PPP2R2B: variants seen among roughly 807,000 people sequenced by gnomAD.
The protein encoded by PPP2R2B is protein phosphatase 2 regulatory subunit Bbeta.
Under a neutral mutation model 46.0 loss-of-function variants are expected in PPP2R2B, and 5 were observed. The observed-to-expected ratio is 0.11, with a 90% CI of 0.06 to 0.23. The LOEUF (loss-of-function observed/expected upper bound fraction) is 0.23. Among genes scored for constraint, PPP2R2B ranks in the 10% least tolerant of loss-of-function variants. The pLI is 1.00. For synonymous variants in PPP2R2B, 215 were observed against 206.7 expected, an observed-to-expected ratio of 1.04 and a Z score of -0.34; for missense variants, 367 against 575.0, an observed-to-expected ratio of 0.64 and a Z score of 3.70.
At chr5:147,027,931 G>T (rs1377302452) in intron 1 of PPP2R2B, among the ~76,000 whole-genome samples, 2 of 152,084 alleles carry the variant, frequency 1.3e-5, no homozygotes, top group Non-Finnish European at 1.5e-5. Context: ...TCCGTGGTTG[G>T]GGCTTCCAGG....
At chr5:146,687,121 C>G (rs185648453) in intron 5 of PPP2R2B, among the ~76,000 whole-genome samples, 13 of 151,216 alleles carry the variant, frequency 8.6e-5, no homozygotes, top group Admixed American at 2.0e-4. Flanking sequence ...AGAGAGGGAG[C>G]GATTGATCGA....
chr5:146,657,554 A>T (rs901119470), intron 5 of PPP2R2B, among the ~76,000 whole-genome samples: 2 of 152,178 alleles, frequency 1.3e-5, no homozygotes, highest in Non-Finnish European at 2.9e-5. Flanking sequence ...TCTCCTTCCT[A>T]AAATCAGATC....
chr5:146,647,218 C>CAGTAAATAAAT (rs1775638847), intron 6 of PPP2R2B, among the ~76,000 whole-genome samples: 1 of 9,904 alleles, frequency 1.0e-4, no homozygotes, highest in African/African-American at 1.9e-4. Context: ...TTTTGACGTT[C>CAGTAAATAAAT]ACTATTGCTT....
intron 1 of PPP2R2B, among the ~76,000 whole-genome samples, chr5:146,926,535 G>T (rs540218259): frequency 6.6e-6 from 1 of 152,138 alleles, no homozygotes; most frequent in Admixed American, 6.5e-5. Context: ...GGGACCACAG[G>T]CTCCGATTTT....
At chr5:146,617,680 A>T (rs1240969488) in intron 7 of PPP2R2B, among the ~76,000 whole-genome samples, 1 of 144,356 alleles carries the variant, frequency 6.9e-6, no homozygotes, top group Non-Finnish European at 1.5e-5. Context: ...GCTTCCTCTC[A>T]TCTCTCTCTC....
At chr5:146,640,506 G>A (rs564423647) in intron 6 of PPP2R2B, among the ~76,000 whole-genome samples, 248 of 152,316 alleles carry the variant, frequency 1.6e-3, no homozygotes, top group South Asian at 7.7e-3. Flanking sequence ...ATGACGTGGC[G>A]TTGGGTAAAC....
chr5:147,018,765 A>T (rs1038507134), intron 1 of PPP2R2B, among the ~76,000 whole-genome samples: 1 of 152,148 alleles, frequency 6.6e-6, no homozygotes, highest in Non-Finnish European at 1.5e-5. Flanking sequence ...CTGGCTTTGG[A>T]CTACCAGCTT....
At chr5:147,001,089 T>C (rs1754149944) in intron 1 of PPP2R2B, among the ~76,000 whole-genome samples, 1 of 152,178 alleles carries the variant, frequency 6.6e-6, no homozygotes, top group Non-Finnish European at 1.5e-5. Context: ...ATCAGCACTC[T>C]GTAAAAACAG....
At chr5:146,758,001 T>G (rs1316595785) in intron 2 of PPP2R2B, among the ~76,000 whole-genome samples, 5 of 152,318 alleles carry the variant, frequency 3.3e-5, no homozygotes, top group Non-Finnish European at 7.3e-5. Context: ...AGGAAGGACA[T>G]GAAACCTCTC....
chr5:146,757,979 G>A (rs954938626), intron 2 of PPP2R2B, among the ~76,000 whole-genome samples: 2 of 152,154 alleles, frequency 1.3e-5, no homozygotes, highest in African/African-American at 4.8e-5. Context: ...GATGTCCAAA[G>A]GAAAACAACC....
At chr5:146,805,532 T>C (rs941876972) in intron 2 of PPP2R2B, among the ~76,000 whole-genome samples, 1 of 152,228 alleles carries the variant, frequency 6.6e-6, no homozygotes, top group Non-Finnish European at 1.5e-5. Context: ...GGAGTGACAT[T>C]GTCTAACATG....
intron 1 of PPP2R2B, among the ~76,000 whole-genome samples, chr5:146,885,738 T>C (rs1762299079): frequency 2.0e-5 from 3 of 152,154 alleles, no homozygotes; most frequent in South Asian, 2.1e-4. Flanking sequence ...CATCAACTGA[T>C]AGATGGATAA....
intron 5 of PPP2R2B, among the ~76,000 whole-genome samples, chr5:146,670,823 C>T (rs1266470892): frequency 6.6e-6 from 1 of 152,058 alleles, no homozygotes; most frequent in African/African-American, 2.4e-5. Flanking sequence ...AACTGATTTG[C>T]TTTTAGTTAA....
chr5:147,003,658 C>A (rs1754293503), intron 1 of PPP2R2B, among the ~76,000 whole-genome samples: 1 of 152,154 alleles, frequency 6.6e-6, no homozygotes, highest in Non-Finnish European at 1.5e-5. Context: ...AGTCAGCAAG[C>A]CATCCCCAGT....
chr5:146,940,967 T>C (rs972601727), intron 1 of PPP2R2B, among the ~76,000 whole-genome samples: 2 of 152,222 alleles, frequency 1.3e-5, no homozygotes, highest in Admixed American at 6.5e-5. Flanking sequence ...GTTCAGACTT[T>C]AGTACTGGAC....
chr5:146,912,238 C>CAAAAAAAA (rs35127306), intron 1 of PPP2R2B, among the ~76,000 whole-genome samples: 10 of 56,594 alleles, frequency 1.8e-4, no homozygotes, highest in African/African-American at 6.1e-4. Flanking sequence ...GGCTCCGTCT[C>CAAAAAAAA]AAAAAAAAAA....
At chr5:147,051,187 A>G (rs1292894313) in intron 1 of PPP2R2B, among the ~76,000 whole-genome samples, 1 of 152,218 alleles carries the variant, frequency 6.6e-6, no homozygotes, top group African/African-American at 2.4e-5. Context: ...TATAAAGATT[A>G]AGAGTACCAA....
At chr5:147,030,084 G>T (rs929433507) in intron 1 of PPP2R2B, among the ~76,000 whole-genome samples, 75 of 152,096 alleles carry the variant, frequency 4.9e-4, no homozygotes, top group African/African-American at 1.7e-3. Flanking sequence ...TATCACCTAG[G>T]AAAGAATAAA....
chr5:147,062,724 G>C (rs951866676), intron 2 of PPP2R2B, among the ~76,000 whole-genome samples: 2 of 151,860 alleles, frequency 1.3e-5, no homozygotes, highest in African/African-American at 4.8e-5. Flanking sequence ...TTTTGTATCT[G>C]CTTATTTGGA....
Sources: gnomAD v4.1 joint callset for allele counts (sites outside exome capture counted in the v4.1 genomes callset) on GRCh38, gnomAD v4.1.1 for gene constraint, MANE v1.5 for transcripts, NCBI Gene and HGNC (gene_info 2026-07-23, HGNC 2026-07-21) for gene names.